The following ITGAV variants were observed in gnomAD, a reference collection of about 807,000 sequenced individuals.
ITGAV encodes integrin alpha-V.
A neutral mutation model predicts 143.8 loss-of-function variants in ITGAV; 76 were observed. The ratio of observed to expected loss-of-function variants is 0.53; its 90% CI spans 0.44 to 0.64. The LOEUF is 0.64. Ranked by LOEUF, ITGAV falls within the 30% of genes least tolerant of loss-of-function variation. The probability of loss-of-function intolerance (pLI) is 0.00; values close to 1 mark genes in which losing one functional copy is unlikely to be tolerated. For synonymous variants in ITGAV, 453 were observed against 446.7 expected (o/e 1.01, Z -0.18); for missense variants, 1,193 against 1,274.7 (o/e 0.94, Z 0.98).
At chr2:186,637,029 T>TG in intron 7 of ITGAV, 36 bp from the exon 8 acceptor site, 1 of 1,589,282 alleles carries the variant, frequency 6.3e-7, no homozygotes, top group East Asian at 2.2e-5. Flanking sequence ...ATAACGTCCT[T>TG]GTCCTGATGG....
chr2:186,669,607 T>C, intron 25 of ITGAV, 94 bp from the exon 26 acceptor site: 1 of 813,568 alleles, frequency 1.2e-6, no homozygotes, highest in Non-Finnish European at 2.0e-6. Context: ...TCATTCACTA[T>C]TTTTTAATCA....
In ITGAV at chr2:186,665,181, T is replaced by C. The variant is rs755474415; in HGVS notation, c.2129T>C (p.Val710Ala). 1 of 1,612,602 alleles carries C rather than the reference T, an allele frequency of 6.2e-7. No homozygotes were observed. Among genetic ancestry groups the C allele is most frequent in the South Asian group, 1.1e-5 (1 of 91,042 alleles). Residue 710 changes from valine to alanine, a missense_variant, in exon 21 of 30, where the codon GTA (valine) becomes GCA (alanine). Coordinates refer to ENST00000261023, the MANE Select transcript of ITGAV (RefSeq NM_002210.5). ...FKTENQTRQV[V>A]CDLGNPMKAG... ...ACAGAAAACCAAACTCGCCAGGTGGTATGTGACCTTGGAAACCCAATGAAG... is the reference window on the plus strand; with the variant it reads ...ACAGAAAACCAAACTCGCCAGGTGGCATGTGACCTTGGAAACCCAATGAAG...
intron 2 of ITGAV, among the ~76,000 whole-genome samples, chr2:186,614,311 G>C (rs539324916): frequency 6.6e-6 from 1 of 151,936 alleles, no homozygotes; most frequent in East Asian, 1.9e-4. Context: ...TATATTCTCT[G>C]TGTGTGTGTG....
rs200189802 is a variant in ITGAV at position 186,622,443 on chromosome 2, G to A, written c.408+13G>A. On this transcript the variant is annotated intron_variant, in intron 3 of 29. Coordinates refer to ENST00000261023, the MANE Select transcript of ITGAV (RefSeq NM_002210.5). ...GGATAAAATTTTGGTGAGTCTTCTGGATATTTACTTACAGGTGATTTTAGT... is the reference window on the plus strand; with the variant it reads ...GGATAAAATTTTGGTGAGTCTTCTGAATATTTACTTACAGGTGATTTTAGT... 1.3e-5 allele frequency: 19 copies of A among 1,515,216 alleles called. No homozygotes were observed. The highest frequency in any genetic ancestry group is 1.7e-5 in the Non-Finnish European group (18 of 1,090,724). 93.9% of individuals were successfully genotyped at this position (1,515,216 alleles called of 1,614,324 possible).
rs1414031189 is a variant in ITGAV, at chr2:186,675,827, A to T, written c.2828A>T (p.Asn943Ile). 6.3e-7 allele frequency: 1 copy of T among 1,598,184 alleles called. No homozygotes were observed. The highest frequency in any genetic ancestry group is 1.1e-5 in the South Asian group (1 of 89,106). The change falls in exon 28 of 30, where the codon AAT (asparagine) becomes ATT (isoleucine). Residue 943 changes from asparagine to isoleucine, a missense_variant. Coordinates refer to ENST00000261023, the MANE Select transcript of ITGAV (RefSeq NM_002210.5). ...LWTETFMNKE[N>I]QNHSYSLKSS... ...ATTGTTATTTCCAAACAGAAAGAAA[A>T]TCAGAATCATTCCTATTCTCTGAAG...
intron 1 of ITGAV, among the ~76,000 whole-genome samples, chr2:186,593,167 T>A (rs1444246222): frequency 1.3e-5 from 2 of 152,230 alleles, no homozygotes; most frequent in Non-Finnish European, 2.9e-5. Context: ...GCAGTGGTTG[T>A]GACGTCCACT....
At chr2:186,644,429 G>A (rs974815308) in intron 12 of ITGAV, among the ~76,000 whole-genome samples, 3 of 151,728 alleles carry the variant, frequency 2.0e-5, no homozygotes, top group Non-Finnish European at 2.9e-5. Context: ...GGGTTCAAGC[G>A]ATTCCCCTGC....
intron 4 of ITGAV, among the ~76,000 whole-genome samples, chr2:186,630,376 A>G (rs999549337): frequency 6.6e-6 from 1 of 151,596 alleles, no homozygotes; most frequent in Non-Finnish European, 1.5e-5. Flanking sequence ...AAAAAAAAAG[A>G]ATGAAATAAA....
At chr2:186,598,291 TTA>T (rs1491437549) in intron 1 of ITGAV, among the ~76,000 whole-genome samples, 30 of 53,070 alleles carry the variant, frequency 5.7e-4, no homozygotes, top group African/African-American at 1.5e-3. Context: ...ATATTATAAT[TTA>T]TACACACACA....
chr2:186,635,095 AATATT>A (rs1687916039), intron 6 of ITGAV, among the ~76,000 whole-genome samples: 1 of 152,166 alleles, frequency 6.6e-6, no homozygotes, highest in Non-Finnish European at 1.5e-5. Flanking sequence ...AGGTACTATT[AATATT>A]ATATTTATTA....
intron 23 of ITGAV, 97 bp from the exon 24 acceptor site, chr2:186,667,574 T>G: frequency 1.8e-6 from 1 of 564,556 alleles, no homozygotes; most frequent in Admixed American, 3.2e-5. Flanking sequence ...TTAAATCTAA[T>G]TTTATTTATT....
intron 1 of ITGAV, among the ~76,000 whole-genome samples, chr2:186,591,260 C>A (rs1415964412): frequency 6.6e-6 from 1 of 152,144 alleles, no homozygotes. Flanking sequence ...TTTAATAATT[C>A]AGTTATGTTT....
chr2:186,665,208 C>A lies in ITGAV; in HGVS notation c.2156C>A (p.Ala719Asp). ...VVCDLGNPMKAGTQLLAGLRF... is the reference protein window; with the variant it reads ...VVCDLGNPMKDGTQLLAGLRF... Reference sequence around the variant, plus strand: ...TGTGACCTTGGAAACCCAATGAAGGCTGGAACTCAAGTAAGACAATTTAAT... The same window carrying A: ...TGTGACCTTGGAAACCCAATGAAGGATGGAACTCAAGTAAGACAATTTAAT... Residue 719 changes from alanine to aspartate, a missense_variant, in exon 21 of 30, where the codon GCT (alanine) becomes GAT (aspartate). By Grantham distance (126) the Ala-to-Asp change is moderately radical. Transcript: ENST00000261023. 1 of 1,605,706 alleles carries A rather than the reference C, an allele frequency of 6.2e-7. No homozygotes were observed. The highest frequency in any genetic ancestry group is 8.5e-7 in the Non-Finnish European group (1 of 1,173,216).
At position 186,663,830 on chromosome 2, in the gene ITGAV, A is replaced by G. The variant is rs199795921; in HGVS notation, c.1920A>G (p.Val640=). ...GTAAACCCAAGCTGGAAGTTTCTGT[A>G]GATAGGTAAGTTTTGCTTGAAATAA... ...NVCKPKLEVS[V]DSDQKKIYIG... Residue 640 remains valine (V), a synonymous_variant, in exon 19 of 30, where the codon GTA becomes GTG. Coordinates refer to ENST00000261023, the MANE Select transcript of ITGAV (RefSeq NM_002210.5). 3 of 1,606,822 alleles carry G rather than the reference A, an allele frequency of 1.9e-6. No homozygotes were observed. The highest frequency in any genetic ancestry group is 2.2e-5 in the South Asian group (2 of 90,800).
chr2:186,630,944 C>G, intron 5 of ITGAV, 86 bp downstream of exon 5: 1 of 655,934 alleles, frequency 1.5e-6, no homozygotes, highest in Non-Finnish European at 2.8e-6. Flanking sequence ...AATACCTCAA[C>G]TCCTTTACAG....
chr2:186,630,161 T>G (rs952309668), intron 4 of ITGAV, among the ~76,000 whole-genome samples: 1 of 152,072 alleles, frequency 6.6e-6, no homozygotes, highest in Non-Finnish European at 1.5e-5. Context: ...CTGAGCTATG[T>G]TATTCATCTC....
intron 14 of ITGAV, among the ~76,000 whole-genome samples, chr2:186,650,721 TG>T (rs1245372081): frequency 6.6e-6 from 1 of 151,770 alleles, no homozygotes; most frequent in Non-Finnish European, 1.5e-5. Context: ...GCTAATTTTA[TG>T]TATTTTTGGT....
chr2:186,676,491 C>G (rs1689212321), intron 28 of ITGAV, among the ~76,000 whole-genome samples: 1 of 152,074 alleles, frequency 6.6e-6, no homozygotes. Flanking sequence ...GTAATTCCAA[C>G]TACTGGGGAG....
rs11891461 is a variant in ITGAV at position 186,678,396 on chromosome 2, A to T, written c.*1104A>T. 0.22 allele frequency: 36,607 copies of T among 163,988 alleles called. 4,435 individuals carry two copies. Among genetic ancestry groups the T allele is most frequent in the Non-Finnish European group, 0.27 (20,225 of 75,952 alleles). 10.2% of individuals were successfully genotyped at this position (163,988 alleles called of 1,614,324 possible). ...CAACTTTATGAGTAATGCTTGGAAT[A>T]AAAACTCTTAAGGCAACTCACTGAT... is the stretch of plus-strand genomic sequence containing the variant. On this transcript the variant is annotated 3_prime_UTR_variant, in exon 30 of 30. Transcript: ENST00000261023.
Sources: allele counts gnomAD v4.1 joint callset (sites outside exome capture counted in the v4.1 genomes callset), GRCh38; gene constraint gnomAD v4.1.1; transcripts MANE v1.5; gene names NCBI Gene and HGNC (gene_info 2026-07-23, HGNC 2026-07-21).